RABGAP1L: variants seen among roughly 807,000 people sequenced by gnomAD.
RABGAP1L encodes the protein rab GTPase-activating protein 1-like.
RABGAP1L carries 63 observed loss-of-function variants against 137.7 expected under a neutral mutation model. That is an observed-to-expected ratio of 0.46 (90% CI 0.37 to 0.56). The LOEUF is 0.56. RABGAP1L is among the 20% of genes least tolerant of loss of function. The pLI, the probability that RABGAP1L is intolerant of heterozygous loss-of-function variation, is 0.00. For synonymous variants in RABGAP1L, 431 were observed against 433.7 expected, an observed-to-expected ratio of 0.99 and a Z score of 0.08; for missense variants, 1,095 against 1,244.0, an observed-to-expected ratio of 0.88 and a Z score of 1.80.
intron 14 of RABGAP1L, among the ~76,000 whole-genome samples, chr1:174,670,643 A>C (rs968660135): frequency 3.3e-5 from 5 of 152,128 alleles, no homozygotes; most frequent in Non-Finnish European, 5.9e-5. Flanking sequence ...TAAGTGAGAA[A>C]ATGTGATGTT....
At chr1:174,340,385 A>C (rs1169679506) in intron 11 of RABGAP1L, among the ~76,000 whole-genome samples, 1 of 152,106 alleles carries the variant, frequency 6.6e-6, no homozygotes, top group Non-Finnish European at 1.5e-5. Context: ...TCACCTGGAT[A>C]TGAAGCCCAG....
chr1:174,882,163 C>A (rs1345634751), intron 19 of RABGAP1L, among the ~76,000 whole-genome samples: 1 of 152,158 alleles, frequency 6.6e-6, no homozygotes, highest in African/African-American at 2.4e-5. Context: ...CACTGTGAAG[C>A]AAATTACACT....
At position 174,833,408 on chromosome 1, in the gene RABGAP1L, G is replaced by GTATATATA. The variant is rs3980202; in HGVS notation, c.2340+21451_2340+21452insATATATAT. Among the ~76,000 whole-genome samples the GTATATATA allele has an allele frequency of 1.0e-4, 7 of 67,674 alleles. No homozygotes were observed. In the East Asian group the frequency reaches 1.2e-3, roughly 12 times the overall value. 44.4% of individuals were successfully genotyped at this position (67,674 alleles called of 152,430 possible). On this transcript the variant is annotated intron_variant, in intron 19 of 25. Transcript: ENST00000681986. ...TGTGTGTGTGTGTGTGTGTATGTGT[G>GTATATATA]TATGTGTGTGTGTGTATATATATAT...
At chr1:174,619,406 A>T (rs1314818315) in intron 13 of RABGAP1L, among the ~76,000 whole-genome samples, 2 of 152,246 alleles carry the variant, frequency 1.3e-5, no homozygotes, top group Non-Finnish European at 2.9e-5. Context: ...TGGGTTACCC[A>T]CAAAGGGAAG....
At chr1:174,286,785 TC>T (rs1431229139) in intron 10 of RABGAP1L, among the ~76,000 whole-genome samples, 2 of 152,148 alleles carry the variant, frequency 1.3e-5, no homozygotes, top group African/African-American at 4.8e-5. Context: ...ATTTTAAATT[TC>T]CTTTTGACCC....
intron 11 of RABGAP1L, among the ~76,000 whole-genome samples, chr1:174,337,293 C>G (rs1168685570): frequency 6.6e-6 from 1 of 152,060 alleles, no homozygotes; most frequent in Non-Finnish European, 1.5e-5. Flanking sequence ...CTTTAGAACC[C>G]ACGGTAGCTT....
In RABGAP1L at chr1:174,885,865, G is replaced by A. The variant is rs533934710; in HGVS notation, c.2341-71592G>A. Among the ~76,000 whole-genome samples, 10 of 152,024 alleles carry A rather than the reference G, an allele frequency of 6.6e-5. No individual in the cohort carries two copies. In the South Asian group the frequency reaches 2.1e-3, roughly 32 times the overall value. ...GCCTGTAGTCCCAGCTACTCGGGAG[G>A]CTGAGGCAGGAGAATGGCGTGAACC... On this transcript the variant is annotated intron_variant, in intron 19 of 25. Coordinates refer to ENST00000681986, the MANE Select transcript of RABGAP1L (RefSeq NM_001366446.1).
intron 1 of RABGAP1L, among the ~76,000 whole-genome samples, chr1:174,161,997 T>C (rs1479470628): frequency 3.3e-5 from 5 of 151,890 alleles, no homozygotes; most frequent in Non-Finnish European, 5.9e-5. Flanking sequence ...CCTCTCGAAG[T>C]GCTGGGATTA....
At chr1:174,423,368 A>G (rs1003756051) in intron 13 of RABGAP1L, among the ~76,000 whole-genome samples, 1 of 152,206 alleles carries the variant, frequency 6.6e-6, no homozygotes, top group Non-Finnish European at 1.5e-5. Context: ...ACTTTATTGA[A>G]TCAACAAATA....
intron 19 of RABGAP1L, among the ~76,000 whole-genome samples, chr1:174,861,274 C>CT (rs1407896377): frequency 2.0e-5 from 3 of 152,082 alleles, no homozygotes; most frequent in Admixed American, 6.6e-5. Context: ...AGATTTCCTT[C>CT]TTTTTTATGA....
chr1:174,799,730 A>T (rs987239484), intron 18 of RABGAP1L, among the ~76,000 whole-genome samples: 8 of 150,442 alleles, frequency 5.3e-5, no homozygotes, highest in African/African-American at 2.0e-4. Flanking sequence ...TTCCTTCCCT[A>T]CCCCTTCATT....
chr1:174,810,457 T>C (rs1477920001), intron 18 of RABGAP1L, among the ~76,000 whole-genome samples: 1 of 152,226 alleles, frequency 6.6e-6, no homozygotes, highest in Non-Finnish European at 1.5e-5. Flanking sequence ...ACCAGGGTGG[T>C]GATGACGAAA....
chr1:174,250,937 A>G (rs1364274187), intron 6 of RABGAP1L, among the ~76,000 whole-genome samples: 1 of 152,102 alleles, frequency 6.6e-6, no homozygotes, highest in Non-Finnish European at 1.5e-5. Flanking sequence ...AGTAGCTGGG[A>G]TTACAGGCGC....
intron 13 of RABGAP1L, among the ~76,000 whole-genome samples, chr1:174,480,096 A>T (rs1227498673): frequency 6.6e-6 from 1 of 152,198 alleles, no homozygotes; most frequent in Non-Finnish European, 1.5e-5. Context: ...GTGAATTTTT[A>T]AAAATTATAT....
chr1:174,424,091 AAG>A (rs1426816202), intron 13 of RABGAP1L, among the ~76,000 whole-genome samples: 1 of 152,106 alleles, frequency 6.6e-6, no homozygotes, highest in Non-Finnish European at 1.5e-5. Context: ...ACTTTCAAGA[AAG>A]AAGTTTACTG....
At chr1:174,787,498 T>C (rs529593573) in intron 18 of RABGAP1L, among the ~76,000 whole-genome samples, 52 of 151,068 alleles carry the variant, frequency 3.4e-4, no homozygotes, top group Admixed American at 1.5e-3. Context: ...ACAAGAACAA[T>C]ATATGTAGAT....
chr1:174,738,159 G>A (rs903664179), intron 17 of RABGAP1L, among the ~76,000 whole-genome samples: 1 of 152,160 alleles, frequency 6.6e-6, no homozygotes, highest in Non-Finnish European at 1.5e-5. Flanking sequence ...CTTGAACTGA[G>A]CTGTCCTGGT....
intron 14 of RABGAP1L, among the ~76,000 whole-genome samples, chr1:174,679,644 C>T (rs1677900276): frequency 6.6e-6 from 1 of 152,120 alleles, no homozygotes; most frequent in South Asian, 2.1e-4. Context: ...GTAAAACTAA[C>T]ATTCACAAAC....
chr1:174,676,665 C>T (rs759177086), intron 14 of RABGAP1L, among the ~76,000 whole-genome samples: 14 of 152,164 alleles, frequency 9.2e-5, no homozygotes, highest in Non-Finnish European at 1.8e-4. Flanking sequence ...ATTTTGGTGA[C>T]TGCTTCTACT....
Sources: allele counts gnomAD v4.1 joint callset (sites outside exome capture counted in the v4.1 genomes callset), GRCh38; gene constraint gnomAD v4.1.1; transcripts MANE v1.5; gene names NCBI Gene and HGNC (gene_info 2026-07-23, HGNC 2026-07-21).